NRXN1: variants seen among roughly 807,000 people sequenced by gnomAD.
NRXN1 encodes the protein neurexin 1.
NRXN1 carries 39 observed loss-of-function variants against 150.9 expected under a neutral mutation model. The observed-to-expected ratio is 0.26, with a 90% CI of 0.20 to 0.34. The LOEUF (loss-of-function observed/expected upper bound fraction) is 0.34. NRXN1 is among the 10% of genes least tolerant of loss of function. The pLI is 1.00. For missense variants in NRXN1, 1,815 were observed against 1,949.9 expected, an observed-to-expected ratio of 0.93 and a Z score of 1.30; for synonymous variants, 924 against 757.0, an observed-to-expected ratio of 1.22 and a Z score of -3.62.
At chr2:50,619,934 A>C in intron 8 of NRXN1, 88 bp downstream of exon 8, 1 of 1,228,002 alleles carries the variant, frequency 8.1e-7, no homozygotes, top group Non-Finnish European at 1.1e-6. Flanking sequence ...ACTCTGGAAC[A>C]TCGGGTCTTC....
intron 18 of NRXN1, among the ~76,000 whole-genome samples, chr2:50,198,123 G>C (rs1193513095): frequency 6.6e-6 from 1 of 151,974 alleles, no homozygotes; most frequent in Admixed American, 6.6e-5. Context: ...TCATCTGTGG[G>C]GCATTGCTAT....
chr2:50,907,869 T>C (rs1683945391), intron 5 of NRXN1, among the ~76,000 whole-genome samples: 1 of 152,106 alleles, frequency 6.6e-6, no homozygotes, highest in Non-Finnish European at 1.5e-5. Context: ...AGATAATACA[T>C]TCACGTTGTT....
In NRXN1 at chr2:50,346,586, T is replaced by A; in HGVS notation, c.3365-109616A>T. ...AGCACACCCAAATGCACCTCCCTTT[T>A]GTCGAGCTCCCATTTCTCTGAGCCT... On this transcript the variant is annotated intron_variant, in intron 17 of 22. Transcript: ENST00000401669. The surrounding 1 kb of genome is among the most constrained non-coding windows in gnomAD (Gnocchi z 5.0). The A allele has an allele frequency of 8.1e-7, 1 of 1,235,722 alleles. No individual in the cohort carries two copies. Among genetic ancestry groups the A allele is most frequent in the Admixed American group, 1.8e-5 (1 of 55,038 alleles). 76.5% of individuals were successfully genotyped at this position (1,235,722 alleles called of 1,614,324 possible). A position where few individuals can be genotyped will look rare whatever the true frequency, so the allele number is the denominator to read the frequency against.
At position 50,472,280 on chromosome 2, in the gene NRXN1, A is replaced by T. The variant is rs371530345; in HGVS notation, c.3244+18T>A. The T allele has an allele frequency of 9.8e-6, 15 of 1,525,936 alleles. No individual in the cohort carries two copies. Among genetic ancestry groups the T allele is most frequent in the Non-Finnish European group, 1.3e-5 (15 of 1,133,474 alleles). 94.5% of individuals were successfully genotyped at this position (1,525,936 alleles called of 1,614,324 possible). On this transcript the variant is annotated intron_variant, in intron 16 of 22. Transcript: ENST00000401669. ...TGGAATTAGAATTATTTAGAGCATGATGACAAAAATCTAATACCTTCACAT... is the reference window on the plus strand; with the variant it reads ...TGGAATTAGAATTATTTAGAGCATGTTGACAAAAATCTAATACCTTCACAT...
chr2:50,169,312 A>C (rs926959214), intron 18 of NRXN1, among the ~76,000 whole-genome samples: 46 of 152,210 alleles, frequency 3.0e-4, no homozygotes, highest in African/African-American at 1.1e-3. Flanking sequence ...AAAGTGGCCC[A>C]TGAGAACAAG....
At chr2:50,614,492 G>A (rs995473923) in intron 8 of NRXN1, among the ~76,000 whole-genome samples, 1 of 151,830 alleles carries the variant, frequency 6.6e-6, no homozygotes, top group Non-Finnish European at 1.5e-5. Flanking sequence ...AAGCAAAAAA[G>A]GGGAGGAGCG....
intron 5 of NRXN1, among the ~76,000 whole-genome samples, chr2:50,729,049 T>C (rs888221908): frequency 6.6e-6 from 1 of 152,168 alleles, no homozygotes; most frequent in Non-Finnish European, 1.5e-5. Context: ...CTACTAGTCA[T>C]ATATTAAATT....
chr2:50,285,174 G>A (rs747111241), intron 17 of NRXN1, among the ~76,000 whole-genome samples: 2 of 152,122 alleles, frequency 1.3e-5, no homozygotes, highest in African/African-American at 2.4e-5. Context: ...GAACAAACAT[G>A]GTGTGCCCAC....
intron 17 of NRXN1, among the ~76,000 whole-genome samples, chr2:50,297,759 T>C (rs1023644218): frequency 6.6e-6 from 1 of 152,186 alleles, no homozygotes; most frequent in South Asian, 2.1e-4. Context: ...ACAGGTGATA[T>C]AAAATGTGCA....
chr2:50,058,638 G>C (rs1214255564), intron 19 of NRXN1, among the ~76,000 whole-genome samples: 1 of 152,142 alleles, frequency 6.6e-6, no homozygotes, highest in Non-Finnish European at 1.5e-5. Flanking sequence ...GTTTAGCTGT[G>C]TCTCCACCCA....
At chr2:50,534,115 A>T (rs2105228801) in intron 10 of NRXN1, among the ~76,000 whole-genome samples, 1 of 152,052 alleles carries the variant, frequency 6.6e-6, no homozygotes, top group East Asian at 1.9e-4. Context: ...ACACACACAC[A>T]CACACACACA....
In NRXN1 at chr2:49,944,340, A is replaced by T. The variant is rs115282474; in HGVS notation, c.4129-549T>A. The stretch of plus-strand genomic sequence containing the variant: ...AAAGGCAAGGAAATACAATCCATTT[A>T]AGACACTTTCATTTTCATTATGATT... On this transcript the variant is annotated intron_variant, in intron 21 of 22. Coordinates refer to ENST00000401669, the MANE Select transcript of NRXN1 (RefSeq NM_001330078.2). Among the ~76,000 whole-genome samples the T allele has an allele frequency of 3.8e-3, 585 of 152,324 alleles. 4 individuals carry two copies. The highest frequency in any genetic ancestry group is 0.013 in the African/African-American group (558 of 41,574).
intron 5 of NRXN1, among the ~76,000 whole-genome samples, chr2:50,723,892 A>C (rs1696990705): frequency 6.6e-6 from 1 of 152,172 alleles, no homozygotes; most frequent in African/African-American, 2.4e-5. Flanking sequence ...AAAACATCCT[A>C]ATTTATACAT....
chr2:50,425,799 C>T (rs1031866576), intron 17 of NRXN1, among the ~76,000 whole-genome samples: 7 of 152,094 alleles, frequency 4.6e-5, no homozygotes, highest in African/African-American at 1.4e-4. Flanking sequence ...AGGTTACCCC[C>T]GACAGGGCCC....
chr2:50,487,042 A>G (rs921630859), intron 15 of NRXN1, among the ~76,000 whole-genome samples: 2 of 152,152 alleles, frequency 1.3e-5, no homozygotes, highest in Non-Finnish European at 2.9e-5. Flanking sequence ...TGTTCTGGTG[A>G]GATGCTTAAC....
intron 5 of NRXN1, among the ~76,000 whole-genome samples, chr2:50,847,689 C>T (rs760383562): frequency 1.3e-5 from 2 of 152,306 alleles, no homozygotes; most frequent in South Asian, 2.1e-4. Flanking sequence ...ACGACACAAG[C>T]TGCTGGACGG....
At chr2:49,968,570 GTATTGA>G (rs1352044113) in intron 21 of NRXN1, among the ~76,000 whole-genome samples, 1 of 151,948 alleles carries the variant, frequency 6.6e-6, no homozygotes, top group Admixed American at 6.6e-5. Flanking sequence ...TTAGAAGCAG[GTATTGA>G]TATTAAGGGA....
chr2:50,959,085 T>G (rs1692732184), intron 2 of NRXN1, among the ~76,000 whole-genome samples: 1 of 152,112 alleles, frequency 6.6e-6, no homozygotes, highest in South Asian at 2.1e-4. Flanking sequence ...CAGTATAATT[T>G]TTAAAACAGA....
chr2:50,455,152 AC>A (rs2087421407), intron 17 of NRXN1, among the ~76,000 whole-genome samples: 1 of 152,208 alleles, frequency 6.6e-6, no homozygotes, highest in Admixed American at 6.5e-5. Context: ...TTGTGGAGGA[AC>A]TTAAATGTGG....
Sources: allele counts gnomAD v4.1 joint callset (sites outside exome capture counted in the v4.1 genomes callset), GRCh38; gene constraint gnomAD v4.1.1; non-coding constraint Gnocchi (gnomAD v3.1); transcripts MANE v1.5; gene names NCBI Gene and HGNC (gene_info 2026-07-23, HGNC 2026-07-21).